Variants in CTBP2 observed in about 807,000 individuals in gnomAD.
The protein encoded by CTBP2 is C-terminal binding protein 2.
In CTBP2, 30 loss-of-function variants were observed where a neutral mutation model predicts 80.3. The observed-to-expected ratio is 0.37, with a 90% CI of 0.28 to 0.51. The LOEUF (loss-of-function observed/expected upper bound fraction) is 0.51. Among genes scored for constraint, CTBP2 ranks in the 20% least tolerant of loss-of-function variants. CTBP2 has a pLI of 0.93. For synonymous variants in CTBP2, 594 were observed against 587.4 expected (o/e 1.01, Z -0.16); for missense variants, 1,212 against 1,375.3 (o/e 0.88, Z 1.88).
intron 1 of CTBP2, among the ~76,000 whole-genome samples, chr10:125,118,544 A>G (rs1853734403): frequency 6.6e-6 from 1 of 152,302 alleles, no homozygotes. Flanking sequence ...CCACACCCAA[A>G]GCTGCCCGTG....
chr10:125,063,254 A>G (rs952537153), intron 2 of CTBP2, among the ~76,000 whole-genome samples: 2 of 152,224 alleles, frequency 1.3e-5, no homozygotes, highest in African/African-American at 4.8e-5. Flanking sequence ...TTCATCTCTG[A>G]TGTGGAAACA....
rs1295268779 is a variant in CTBP2, at chr10:124,986,285, G to GCACACACACACA, written c.*3232_*3233insTGTGTGTGTGTG. On this transcript the variant is annotated 3_prime_UTR_variant, in exon 9 of 9. Coordinates refer to ENST00000309035, the MANE Select transcript of CTBP2 (RefSeq NM_022802.3). ...TTGGAAAGACGACACACGCACGCGC[G>GCACACACACACA]CGCGCGCACACACACACACACACAC... 1.0e-3 allele frequency: 60 copies of GCACACACACACA among 57,838 alleles called. No homozygotes were observed. The highest frequency in any genetic ancestry group is 3.2e-3 in the African/African-American group (57 of 17,918). 3.6% of individuals were successfully genotyped at this position (57,838 alleles called of 1,614,324 possible).
intron 3 of CTBP2, among the ~76,000 whole-genome samples, chr10:125,033,776 G>A (rs80300988): frequency 0.049 from 7,391 of 152,154 alleles, 339 homozygotes; most frequent in African/African-American, 0.12. Flanking sequence ...AAGGTGCCGG[G>A]ACCAAGAGGA....
At chr10:125,053,074 G>C (rs1332591639) in intron 2 of CTBP2, among the ~76,000 whole-genome samples, 2 of 150,622 alleles carry the variant, frequency 1.3e-5, no homozygotes, top group Admixed American at 6.6e-5. Context: ...AGTACAAAAG[G>C]CTTATTCGAA....
At chr10:125,068,190 C>T (rs929813125) in intron 2 of CTBP2, among the ~76,000 whole-genome samples, 2 of 152,204 alleles carry the variant, frequency 1.3e-5, no homozygotes, top group Admixed American at 6.5e-5. Flanking sequence ...CAGAGTTCTG[C>T]CCCACGACCA....
intron 2 of CTBP2, among the ~76,000 whole-genome samples, chr10:125,097,579 G>A (rs370333978): frequency 2.0e-5 from 3 of 152,118 alleles, no homozygotes; most frequent in South Asian, 2.1e-4. Flanking sequence ...CTACAGGCGC[G>A]CCTTAGGTGC....
intron 1 of CTBP2, among the ~76,000 whole-genome samples, chr10:125,137,741 T>C (rs1161785788): frequency 6.6e-6 from 1 of 152,210 alleles, no homozygotes; most frequent in Non-Finnish European, 1.5e-5. Context: ...AATCCGTAAA[T>C]AACCTTCTGC....
chr10:125,066,981 A>G lies in CTBP2; in HGVS notation c.-101-27826T>C, dbSNP rs185434303. 4.9e-3 allele frequency among the ~76,000 whole-genome samples: 741 copies of G among 152,226 alleles called. 6 individuals are homozygous for G. Among genetic ancestry groups the G allele is most frequent in the African/African-American group, 0.016 (644 of 41,512 alleles). ...GCTGAATTCCTGAAGTCCCCGCCTG[A>G]CCACCAGGCCCAGGTATAAGGGAAG... On this transcript the variant is annotated intron_variant, in intron 2 of 10. Coordinates refer to the CTBP2 transcript ENST00000337195. The surrounding 1 kb of genome is among the most constrained non-coding windows in gnomAD (Gnocchi z 4.1).
chr10:125,122,154 G>A (rs1854430019), intron 1 of CTBP2, among the ~76,000 whole-genome samples: 1 of 152,218 alleles, frequency 6.6e-6, no homozygotes, highest in Non-Finnish European at 1.5e-5. Context: ...ATTGATTCAT[G>A]CGCATCAAGT....
chr10:125,010,738 G>A (rs1955789174), intron 1 of CTBP2, among the ~76,000 whole-genome samples: 1 of 152,218 alleles, frequency 6.6e-6, no homozygotes. Context: ...AGGAGAGAAT[G>A]AGAGAGCAGC....
upstream of CTBP2, among the ~76,000 whole-genome samples, chr10:125,032,477 A>G (rs1958349881): frequency 6.6e-6 from 1 of 152,112 alleles, no homozygotes; most frequent in Non-Finnish European, 1.5e-5. Flanking sequence ...GCCCTCCCCC[A>G]TGAACCTTTC....
chr10:125,102,315 C>T (rs968651649), intron 2 of CTBP2, among the ~76,000 whole-genome samples: 1 of 152,266 alleles, frequency 6.6e-6, no homozygotes, highest in Non-Finnish European at 1.5e-5. Flanking sequence ...TCATTACCTT[C>T]CCCTTGCAAA....
chr10:125,003,525 GGGT>G, intron 1 of CTBP2, 33 bp from the exon 4 acceptor site: 2 of 1,508,574 alleles, frequency 1.3e-6, no homozygotes, highest in Non-Finnish European at 1.8e-6. Context: ...CACAGTGGGT[GGGT>G]GGCTGGGGCC....
intron 3 of CTBP2, chr10:124,999,553 ACAGCT>A (rs1954140173): frequency 6.6e-6 from 1 of 152,210 alleles, no homozygotes; most frequent in South Asian, 2.1e-4. Flanking sequence ...AGCAAGACAC[ACAGCT>A]CAGAGAAGGT....
rs201538793 is a variant in CTBP2 at position 124,992,705 on chromosome 10, C to T, written c.2767G>A (p.Ala923Thr). 248 of 1,604,558 alleles carry T rather than the reference C, an allele frequency of 1.5e-4. No individual in the cohort carries two copies. Among genetic ancestry groups the T allele is most frequent in the Admixed American group, 2.7e-4 (16 of 59,370 alleles). ...AGTTCCTTTTCTCACCTGTATGTGG[C>T]ACCATTGAGCTCAGGATGAATTGCT... Residue 923 changes from alanine (A) to threonine (T), a missense_variant, in exon 8 of 9, where the codon GCC becomes ACC. This residue lies in a region of CTBP2 where 335 missense variants were observed against 504.7 expected (regional missense o/e 0.66). Coordinates refer to ENST00000309035, the MANE Select transcript of CTBP2 (RefSeq NM_022802.3).
intron 1 of CTBP2, among the ~76,000 whole-genome samples, chr10:125,156,018 G>A (rs994809126): frequency 3.3e-5 from 5 of 152,108 alleles, no homozygotes; most frequent in Non-Finnish European, 7.4e-5. Context: ...AAGACACCCC[G>A]AGATTTCACC....
intron 2 of CTBP2, among the ~76,000 whole-genome samples, chr10:125,070,605 G>A (rs11245489): frequency 0.26 from 39,367 of 149,866 alleles, 6,233 homozygotes; most frequent in South Asian, 0.35. Flanking sequence ...ATTTTAATAC[G>A]GAAAACTGGG....
At chr10:125,030,404 G>A (rs1472674455), upstream of CTBP2, among the ~76,000 whole-genome samples, 1 of 152,198 alleles carries the variant, frequency 6.6e-6, no homozygotes, top group East Asian at 1.9e-4. Context: ...GCGACACAAG[G>A]TGTCAATTAA....
chr10:125,067,644 AAT>A (rs1208139165), intron 2 of CTBP2, among the ~76,000 whole-genome samples: 2 of 152,244 alleles, frequency 1.3e-5, no homozygotes. Context: ...TGTAAACCAA[AAT>A]ATGAGAGAAA....
Sources: gnomAD v4.1 joint callset for allele counts (sites outside exome capture counted in the v4.1 genomes callset) on GRCh38, gnomAD v4.1.1 for gene constraint, gnomAD v4.1.1 regional missense constraint, Gnocchi (gnomAD v3.1) non-coding constraint, MANE v1.5 for transcripts, NCBI Gene and HGNC (gene_info 2026-07-23, HGNC 2026-07-21) for gene names.